DPH6: variants seen among roughly 807,000 people sequenced by gnomAD.
DPH6 encodes diphthine--ammonia ligase.
Under a neutral mutation model 38.2 loss-of-function variants are expected in DPH6, and 33 were observed. The observed-to-expected ratio is 0.86, with a 90% CI of 0.65 to 1.15. The LOEUF (loss-of-function observed/expected upper bound fraction) is 1.15. Among genes scored for constraint, DPH6 ranks in the 50% most tolerant of loss-of-function variants. The pLI is 0.00. For synonymous variants in DPH6, 108 were observed against 103.0 expected (o/e 1.05, Z -0.30); for missense variants, 325 against 320.0 (o/e 1.02, Z -0.12).
intron 1 of DPH6, among the ~76,000 whole-genome samples, chr15:35,543,256 CATAATATATATATATA>C (rs2055289276): frequency 3.8e-5 from 4 of 104,782 alleles, no homozygotes; most frequent in African/African-American, 1.7e-4. Context: ...CACACATACA[CATAATATATATATATA>C]TATATATATA....
chr15:35,206,351 G>A, the DPH6 span, among the ~76,000 whole-genome samples: 1 of 152,104 alleles, frequency 6.6e-6, no homozygotes, highest in Non-Finnish European at 1.5e-5. Flanking sequence ...ACATCATTAT[G>A]TCCTTATGTC....
At chr15:35,477,764 ACTT>A (rs1435637041) in intron 3 of DPH6, among the ~76,000 whole-genome samples, 59 of 151,958 alleles carry the variant, frequency 3.9e-4, no homozygotes, top group Middle Eastern at 3.4e-3. Context: ...TCACATTCTC[ACTT>A]CTTATCCAGC....
intron 6 of DPH6, among the ~76,000 whole-genome samples, chr15:35,383,195 T>G (rs945525294): frequency 1.3e-5 from 2 of 152,236 alleles, no homozygotes; most frequent in Non-Finnish European, 2.9e-5. Flanking sequence ...AATAACTACA[T>G]TTTTAAATTA....
chr15:35,453,328 G>C (rs1260613311), intron 4 of DPH6, among the ~76,000 whole-genome samples: 1 of 152,026 alleles, frequency 6.6e-6, no homozygotes, highest in Non-Finnish European at 1.5e-5. Flanking sequence ...TCCTAATCAG[G>C]AGCACATTTT....
At chr15:35,273,305 C>T (rs139635684) in intron 3 of DPH6, among the ~76,000 whole-genome samples, 114 of 152,240 alleles carry the variant, frequency 7.5e-4, no homozygotes, top group African/African-American at 2.6e-3. Context: ...CCCCTTCTCA[C>T]GCTTTCCTGA....
intron 3 of DPH6, among the ~76,000 whole-genome samples, chr15:35,525,543 G>A (rs2054986804): frequency 6.6e-6 from 1 of 152,096 alleles, no homozygotes; most frequent in African/African-American, 2.4e-5. Context: ...GAGTATTCAT[G>A]AATACTCCCA....
intron 3 of DPH6, among the ~76,000 whole-genome samples, chr15:35,333,342 TAG>T (rs1438768200): frequency 6.6e-6 from 1 of 152,074 alleles, no homozygotes; most frequent in African/African-American, 2.4e-5. Context: ...ACAAAAGGCA[TAG>T]AGTTAGGCTA....
chr15:35,285,622 A>G lies in DPH6; in HGVS notation n.201-65040T>C, dbSNP rs145945167. Among the ~76,000 whole-genome samples, 303 of 152,258 alleles carry G rather than the reference A, an allele frequency of 2.0e-3. 1 individual carries two copies. Among genetic ancestry groups the G allele is most frequent in the Non-Finnish European group, 3.5e-3 (236 of 68,020 alleles). Reference sequence around the variant, plus strand: ...TCTTTATGAGCAGTGTGAAAATGGAATAACACACCATTTTTCTCTAAAGAA... The same window carrying G: ...TCTTTATGAGCAGTGTGAAAATGGAGTAACACACCATTTTTCTCTAAAGAA... On this transcript the variant is annotated intron_variant and non_coding_transcript_variant, in intron 3 of 3. Transcript: ENST00000560386.
chr15:35,365,422 T>G (rs2052649877), intron 3 of DPH6, among the ~76,000 whole-genome samples: 1 of 152,134 alleles, frequency 6.6e-6, no homozygotes, highest in South Asian at 2.1e-4. Context: ...TCTGAATGAA[T>G]AAATCGTATG....
chr15:35,202,818 C>T, the DPH6 span, among the ~76,000 whole-genome samples: 2 of 151,656 alleles, frequency 1.3e-5, no homozygotes. Flanking sequence ...TCTTGTTCAG[C>T]AATTATTATT....
intron 3 of DPH6, among the ~76,000 whole-genome samples, chr15:35,324,659 C>G (rs947192672): frequency 2.6e-5 from 4 of 152,094 alleles, no homozygotes; most frequent in African/African-American, 9.7e-5. Flanking sequence ...AATCAGGAAT[C>G]AAGATGCTTA....
chr15:35,445,166 C>T (rs1391087489), intron 5 of DPH6, among the ~76,000 whole-genome samples: 2 of 152,082 alleles, frequency 1.3e-5, no homozygotes, highest in African/African-American at 4.8e-5. Context: ...ATCCATCTCC[C>T]TCAAGGTGGT....
chr15:35,372,987 C>A (rs2052732462), intron 8 of DPH6, among the ~76,000 whole-genome samples: 1 of 151,904 alleles, frequency 6.6e-6, no homozygotes, highest in South Asian at 2.1e-4. Flanking sequence ...AACTTTATTC[C>A]ACAAGATATC....
the DPH6 span, among the ~76,000 whole-genome samples, chr15:35,206,531 T>G: frequency 6.6e-6 from 1 of 152,314 alleles, no homozygotes; most frequent in Non-Finnish European, 1.5e-5. Context: ...ACTTCTGAGA[T>G]CCTATCCTGA....
intron 3 of DPH6, among the ~76,000 whole-genome samples, chr15:35,349,470 T>G (rs1425975682): frequency 6.6e-6 from 1 of 152,170 alleles, no homozygotes; most frequent in African/African-American, 2.4e-5. Context: ...GGTCTCCCCC[T>G]CTGTCACCCA....
the DPH6 span, among the ~76,000 whole-genome samples, chr15:35,200,624 G>A: frequency 1.3e-5 from 2 of 151,830 alleles, no homozygotes; most frequent in Admixed American, 1.3e-4. Flanking sequence ...TGTGCTCCCT[G>A]CTTCCAGTTC....
chr15:35,228,534 T>C (rs2051497600), intron 3 of DPH6, among the ~76,000 whole-genome samples: 1 of 152,176 alleles, frequency 6.6e-6, no homozygotes, highest in Non-Finnish European at 1.5e-5. Context: ...GCTCAAGGAA[T>C]TGTCCCACCT....
At chr15:35,495,525 T>C (rs2054537937) in intron 3 of DPH6, among the ~76,000 whole-genome samples, 1 of 152,140 alleles carries the variant, frequency 6.6e-6, no homozygotes, top group Admixed American at 6.6e-5. Flanking sequence ...TCAGACATAA[T>C]TTTAAAGACA....
At chr15:35,532,975 C>A (rs978156569) in intron 3 of DPH6, among the ~76,000 whole-genome samples, 1 of 151,890 alleles carries the variant, frequency 6.6e-6, no homozygotes, top group East Asian at 1.9e-4. Flanking sequence ...GGTGTGATTG[C>A]GGGCAACTGT....
Sources: gnomAD v4.1 joint callset for allele counts (sites outside exome capture counted in the v4.1 genomes callset) on GRCh38, gnomAD v4.1.1 for gene constraint, MANE v1.5 for transcripts, NCBI Gene and HGNC (gene_info 2026-07-23, HGNC 2026-07-21) for gene names.